Variants in CYP51A1 observed in about 807,000 individuals in gnomAD.
CYP51A1 encodes the protein cytochrome P450 family 51 subfamily A member 1.
CYP51A1 carries 45 observed loss-of-function variants against 53.5 expected under a neutral mutation model. That is an observed-to-expected ratio of 0.84 (90% CI 0.66 to 1.08). The LOEUF is 1.08. Among genes scored for constraint, CYP51A1 ranks in the 50% least tolerant of loss-of-function variants. The pLI is 0.00. For missense variants in CYP51A1, 462 were observed against 621.7 expected (o/e 0.74, Z 2.73); for synonymous variants, 181 against 217.7 (o/e 0.83, Z 1.48).
intron 1 of CYP51A1, among the ~76,000 whole-genome samples, chr7:92,132,831 A>G (rs35968894): frequency 0.27 from 40,771 of 152,138 alleles, 6,861 homozygotes; most frequent in Non-Finnish European, 0.37. Context: ...TAGATGCCAC[A>G]AAATGAGACC....
intron 1 of CYP51A1, among the ~76,000 whole-genome samples, chr7:92,132,627 G>A (rs998352390): frequency 2.0e-5 from 3 of 151,990 alleles, no homozygotes; most frequent in Non-Finnish European, 4.4e-5. Flanking sequence ...GCTTAAAGAA[G>A]GTATAGAAAA....
intron 9 of CYP51A1, among the ~76,000 whole-genome samples, chr7:92,115,607 T>A (rs1819566894): frequency 6.6e-6 from 1 of 152,146 alleles, no homozygotes; most frequent in Admixed American, 6.5e-5. Flanking sequence ...AGAATATATT[T>A]CTATTGTTTT....
chr7:92,128,752 G>A lies in CYP51A1; in HGVS notation c.468+128C>T. On this transcript the variant is annotated intron_variant, in intron 3 of 9. Transcript: ENST00000003100. ...GATCCACCCACCTTGGCCTCCCAAA[G>A]TGCTGGGATTACAGGAATGAGCCAC... 3.6e-6 allele frequency: 3 copies of A among 832,900 alleles called. No individual in the cohort carries two copies. The South Asian group carries it at 5.9e-5, about 16-fold the overall frequency. The allele number at this position is 832,900 out of a possible 1,614,324, so 51.6% of individuals were successfully genotyped here.
At chr7:92,115,931 G>A (rs1160411222) in intron 9 of CYP51A1, among the ~76,000 whole-genome samples, 1 of 152,156 alleles carries the variant, frequency 6.6e-6, no homozygotes, top group Non-Finnish European at 1.5e-5. Context: ...TTCCTCTTTG[G>A]GGCAGAATTT....
At chr7:92,115,753 C>G (rs939013426) in intron 9 of CYP51A1, among the ~76,000 whole-genome samples, 1 of 151,980 alleles carries the variant, frequency 6.6e-6, no homozygotes, top group African/African-American at 2.4e-5. Flanking sequence ...TTAGGACCAA[C>G]TATAAATGAG....
chr7:92,120,310 T>G (rs549956985), intron 7 of CYP51A1, among the ~76,000 whole-genome samples: 52 of 152,272 alleles, frequency 3.4e-4, no homozygotes, highest in South Asian at 2.9e-3. Flanking sequence ...TAAACAGCCT[T>G]GAAAAGGACA....
chr7:92,131,458 G>T (rs901209601), intron 2 of CYP51A1, among the ~76,000 whole-genome samples: 1 of 152,042 alleles, frequency 6.6e-6, no homozygotes, highest in Non-Finnish European at 1.5e-5. Context: ...GAAAAATGAG[G>T]GTTAATTAAT....
At position 92,123,843 on chromosome 7, in the gene CYP51A1, T is replaced by G; in HGVS notation, c.781A>C (p.Arg261=). The change falls in exon 6 of 10, where the codon AGA becomes CGA. Residue 261 remains arginine (R), a synonymous_variant. Transcript: ENST00000003100. ...LPLPSFRRRD[R]AHREIKDIFY... ...ATATCCTTGATTTCCCGATGAGCTC[T>G]GTCCCTGCGTCTGTAATTAAAAGAT... The G allele has an allele frequency of 6.3e-7, 1 of 1,590,860 alleles. No individual in the cohort carries two copies.
At chr7:92,115,282 T>A (rs1008202561) in intron 9 of CYP51A1, among the ~76,000 whole-genome samples, 1 of 152,214 alleles carries the variant, frequency 6.6e-6, no homozygotes, top group South Asian at 2.1e-4. Flanking sequence ...AACCTTAGAA[T>A]GTGATCTTAA....
chr7:92,131,736 G>T (rs1240163430), intron 2 of CYP51A1, 38 bp downstream of exon 2: 18 of 873,418 alleles, frequency 2.1e-5, no homozygotes, highest in Admixed American at 5.3e-5. Flanking sequence ...TTCTCTAGTT[G>T]TTTTTTTTTT....
intron 5 of CYP51A1, among the ~76,000 whole-genome samples, chr7:92,124,712 A>G (rs1819760333): frequency 1.3e-5 from 2 of 152,250 alleles, no homozygotes; most frequent in Admixed American, 1.3e-4. Context: ...CCTGTTTAAG[A>G]AAGTGAATTG....
At chr7:92,123,571 A>G (rs1247347813) in intron 6 of CYP51A1, among the ~76,000 whole-genome samples, 163 bp downstream of exon 6, 1 of 152,260 alleles carries the variant, frequency 6.6e-6, no homozygotes, top group Non-Finnish European at 1.5e-5. Flanking sequence ...AGTAAGACAC[A>G]GGATGCCAAT....
chr7:92,121,692 T>C (rs935872659), intron 7 of CYP51A1, among the ~76,000 whole-genome samples: 1 of 152,156 alleles, frequency 6.6e-6, no homozygotes, highest in African/African-American at 2.4e-5. Flanking sequence ...CCTGATAACA[T>C]GCTAAGTGAA....
intron 2 of CYP51A1, 44 bp from the exon 3 acceptor site, chr7:92,129,100 C>G: frequency 7.6e-7 from 1 of 1,321,046 alleles, no homozygotes; most frequent in Non-Finnish European, 1.0e-6. Context: ...AAAAAATATG[C>G]AACACTACGA....
At chr7:92,130,210 C>T (rs1819888784) in intron 2 of CYP51A1, among the ~76,000 whole-genome samples, 1 of 152,164 alleles carries the variant, frequency 6.6e-6, no homozygotes, top group Non-Finnish European at 1.5e-5. Context: ...CCCAGCTCCT[C>T]CACCTACTTG....
intron 3 of CYP51A1, among the ~76,000 whole-genome samples, chr7:92,128,451 TGTGTGCGCGTGC>T (rs1261561282): frequency 2.7e-5 from 4 of 148,130 alleles, no homozygotes; most frequent in African/African-American, 1.0e-4. Context: ...TGTGTGTGTG[TGTGTGCGCGTGC>T]GTGTGTGTGT....
chr7:92,116,511 T>C (rs1819581440), intron 9 of CYP51A1, among the ~76,000 whole-genome samples: 1 of 152,126 alleles, frequency 6.6e-6, no homozygotes, highest in African/African-American at 2.4e-5. Flanking sequence ...GAAACAAGGG[T>C]ATAGCTAAAT....
rs563098505 is a variant in CYP51A1 at position 92,113,811 on chromosome 7, A to G, written c.1384T>C (p.Tyr462His). 3 of 1,607,354 alleles carry G rather than the reference A, an allele frequency of 1.9e-6. No homozygotes were observed. The highest frequency in any genetic ancestry group is 1.3e-5 in the African/African-American group (1 of 74,638). ...RHRCIGENFA[Y>H]VQIKTIWSTM... ...GACCAAATTGTCTTAATTTGAACAT[A>G]GGCAAAATTTTCCCCAATACAACGA... Residue 462 changes from tyrosine (Y) to histidine (H), a missense_variant, in exon 10 of 10, where the codon TAT becomes CAT. Physicochemically the swap from Tyr to His is moderately conservative, Grantham distance 83. Transcript: ENST00000003100.
In CYP51A1 at chr7:92,112,425, G is replaced by GAT. The variant is rs780880241; in HGVS notation, c.*1238_*1239dup. On this transcript the variant is annotated 3_prime_UTR_variant, in exon 10 of 10. Transcript: ENST00000003100. ...TATTACTCCCAAGGACCTTGTTTCA[G>GAT]ATTATCTTAAAACCAGAGTTCACTG... 6 of 152,298 alleles carry GAT rather than the reference G, an allele frequency of 3.9e-5. No individual in the cohort carries two copies. The highest frequency in any genetic ancestry group is 7.4e-5 in the Non-Finnish European group (5 of 68,014). 9.4% of individuals were successfully genotyped at this position (152,298 alleles called of 1,614,324 possible).
Sources: allele counts gnomAD v4.1 joint callset (sites outside exome capture counted in the v4.1 genomes callset), GRCh38; gene constraint gnomAD v4.1.1; transcripts MANE v1.5; gene names NCBI Gene and HGNC (gene_info 2026-07-23, HGNC 2026-07-21).